The following CENPP variants were observed in gnomAD, a reference collection of about 807,000 sequenced individuals.
CENPP encodes the protein centromere protein P.
Under a neutral mutation model 35.6 loss-of-function variants are expected in CENPP, and 24 were observed. The observed-to-expected ratio is 0.67, with a 90% CI of 0.49 to 0.95. CENPP has a LOEUF of 0.95. CENPP is among the 40% of genes least tolerant of loss of function. The pLI is 0.00. For synonymous variants in CENPP, 120 were observed against 125.5 expected (o/e 0.96, Z 0.29); for missense variants, 332 against 345.3 (o/e 0.96, Z 0.31).
intron 5 of CENPP, among the ~76,000 whole-genome samples, chr9:92,412,963 T>C (rs1403813487): frequency 6.7e-6 from 1 of 149,564 alleles, no homozygotes; most frequent in Non-Finnish European, 1.5e-5. Context: ...CGCTGGGTTA[T>C]ATGTAACTAA....
chr9:92,364,901 G>T (rs535832268), intron 4 of CENPP, among the ~76,000 whole-genome samples: 4 of 152,288 alleles, frequency 2.6e-5, no homozygotes, highest in South Asian at 2.1e-4. Context: ...AGAGTGCCTT[G>T]TACATGGTTG....
chr9:92,392,900 G>A (rs1402854464), intron 5 of CENPP, among the ~76,000 whole-genome samples: 1 of 152,176 alleles, frequency 6.6e-6, no homozygotes, highest in African/African-American at 2.4e-5. Flanking sequence ...AAAGATCACA[G>A]GATCTGTCTA....
At chr9:92,358,010 T>C (rs1305460343) in intron 4 of CENPP, among the ~76,000 whole-genome samples, 1 of 152,198 alleles carries the variant, frequency 6.6e-6, no homozygotes, top group Non-Finnish European at 1.5e-5. Flanking sequence ...CTCTTTGTCT[T>C]TGTCTTTTGA....
At chr9:92,603,915 C>T (rs753686747) in intron 5 of CENPP, among the ~76,000 whole-genome samples, 1 of 152,172 alleles carries the variant, frequency 6.6e-6, no homozygotes, top group Non-Finnish European at 1.5e-5. Context: ...TGCCCTGCTC[C>T]GAACTTCATC....
intron 5 of CENPP, among the ~76,000 whole-genome samples, chr9:92,602,154 C>T (rs774379639): frequency 2.0e-5 from 3 of 152,178 alleles, no homozygotes; most frequent in Non-Finnish European, 4.4e-5. Context: ...CTGGCCAGAC[C>T]TGGGGGCTTG....
intron 4 of CENPP, among the ~76,000 whole-genome samples, chr9:92,377,072 A>G (rs755063000): frequency 6.6e-6 from 1 of 151,592 alleles, no homozygotes; most frequent in South Asian, 2.1e-4. Flanking sequence ...TGGAGCCTCC[A>G]TGTTTAACAT....
At chr9:92,543,181 A>G (rs1392176344) in intron 5 of CENPP, among the ~76,000 whole-genome samples, 1 of 152,134 alleles carries the variant, frequency 6.6e-6, no homozygotes, top group Non-Finnish European at 1.5e-5. Context: ...TTTGATCAAG[A>G]TGGCATTGGT....
chr9:92,328,096 C>T (rs1840626972), intron 1 of CENPP, among the ~76,000 whole-genome samples: 2 of 151,782 alleles, frequency 1.3e-5, no homozygotes, highest in East Asian at 1.9e-4. Flanking sequence ...AAGAGGGAGT[C>T]GGTTCAGGTG....
intron 4 of CENPP, among the ~76,000 whole-genome samples, chr9:92,376,591 A>C (rs945973567): frequency 2.0e-5 from 3 of 152,204 alleles, no homozygotes; most frequent in African/African-American, 7.2e-5. Context: ...TCTGATTTAC[A>C]TAGGGCACAA....
At chr9:92,562,123 A>T (rs1419977926) in intron 5 of CENPP, among the ~76,000 whole-genome samples, 7 of 152,064 alleles carry the variant, frequency 4.6e-5, no homozygotes, top group Admixed American at 2.0e-4. Flanking sequence ...TGGAGTTCAA[A>T]TCTCAGCTAG....
At chr9:92,361,478 A>G (rs1588059414) in intron 4 of CENPP, among the ~76,000 whole-genome samples, 1 of 124,050 alleles carries the variant, frequency 8.1e-6, no homozygotes, top group South Asian at 2.7e-4. Context: ...ATTTTATTTT[A>G]TTTTATTTTA....
chr9:92,480,605 A>G (rs1845880016), intron 5 of CENPP, among the ~76,000 whole-genome samples: 1 of 152,220 alleles, frequency 6.6e-6, no homozygotes, highest in Non-Finnish European at 1.5e-5. Flanking sequence ...GTTTCCATTT[A>G]ACTGGTCTAC....
intron 3 of CENPP, 28 bp from the exon 4 acceptor site, chr9:92,345,671 G>C: frequency 7.7e-7 from 1 of 1,291,838 alleles, no homozygotes; most frequent in Non-Finnish European, 1.1e-6. Context: ...ACTGTGCTTT[G>C]ATACAGAAAT....
chr9:92,430,335 T>C (rs998084297), intron 5 of CENPP, among the ~76,000 whole-genome samples: 1 of 152,196 alleles, frequency 6.6e-6, no homozygotes, highest in South Asian at 2.1e-4. Flanking sequence ...CTATGACTTT[T>C]AACTATTATT....
At chr9:92,345,862 T>C (rs569243794) in intron 4 of CENPP, 75 bp downstream of exon 4, 1 of 844,876 alleles carries the variant, frequency 1.2e-6, no homozygotes, top group East Asian at 2.6e-5. Flanking sequence ...GTTTACCTTT[T>C]CCTCTTCTTA....
intron 5 of CENPP, among the ~76,000 whole-genome samples, chr9:92,521,507 C>T (rs1258433430): frequency 6.6e-6 from 1 of 152,084 alleles, no homozygotes; most frequent in African/African-American, 2.4e-5. Flanking sequence ...AACGAAGAAG[C>T]ATTTAGCTGT....
intron 1 of CENPP, among the ~76,000 whole-genome samples, chr9:92,331,778 A>G (rs1840754774): frequency 6.6e-6 from 1 of 152,124 alleles, no homozygotes. Flanking sequence ...CTAGGTAATA[A>G]AGCCAGACCT....
chr9:92,594,118 A>C (rs1850723014), intron 5 of CENPP, among the ~76,000 whole-genome samples: 1 of 152,100 alleles, frequency 6.6e-6, no homozygotes, highest in African/African-American at 2.4e-5. Flanking sequence ...ATATGTAAGG[A>C]CTCTGTATTG....
chr9:92,460,965 CA>C (rs1845087100), intron 5 of CENPP, among the ~76,000 whole-genome samples: 1 of 152,188 alleles, frequency 6.6e-6, no homozygotes, highest in African/African-American at 2.4e-5. Flanking sequence ...AGGCGTGAGC[CA>C]CCACACCCAG....
Sources: gnomAD v4.1 joint callset for allele counts (sites outside exome capture counted in the v4.1 genomes callset) on GRCh38, gnomAD v4.1.1 for gene constraint, MANE v1.5 for transcripts, NCBI Gene and HGNC (gene_info 2026-07-23, HGNC 2026-07-21) for gene names.